The following WDFY4 variants were observed in gnomAD, a reference collection of about 807,000 sequenced individuals.
The protein encoded by WDFY4 is WDFY family member 4, also known as WD repeat- and FYVE domain-containing protein 4.
In WDFY4, 169 loss-of-function variants were observed where a neutral mutation model predicts 351.9. The ratio of observed to expected loss-of-function variants is 0.48; its 90% CI spans 0.42 to 0.55. The LOEUF (loss-of-function observed/expected upper bound fraction) is 0.55. Ranked by LOEUF, WDFY4 falls within the 20% of genes least tolerant of loss-of-function variation. The pLI is 0.00. For missense variants in WDFY4, 3,803 were observed against 3,935.6 expected, an observed-to-expected ratio of 0.97 and a Z score of 0.90; for synonymous variants, 1,622 against 1,574.6, an observed-to-expected ratio of 1.03 and a Z score of -0.71.
intron 48 of WDFY4, 50 bp from the exon 49 acceptor site, chr10:48,943,280 C>T (rs1256085894): frequency 6.5e-7 from 1 of 1,542,868 alleles, no homozygotes. Flanking sequence ...CATGGCTTTG[C>T]AGGAGCATCA....
In WDFY4 at chr10:48,913,823, G is replaced by A. The variant is rs41283295; in HGVS notation, c.7586+11960G>A. ...GTTGCTTCAGCTCCACGGGCAGCCCGTTGCTGGTCAGCCGGTTGTTGCTGA... is the reference window on the plus strand; with the variant it reads ...GTTGCTTCAGCTCCACGGGCAGCCCATTGCTGGTCAGCCGGTTGTTGCTGA... On this transcript the variant is annotated intron_variant, in intron 47 of 61. Transcript: ENST00000325239. The A allele has an allele frequency of 5.9e-3, 9,559 of 1,614,080 alleles. 38 individuals are homozygous for A. Among genetic ancestry groups the A allele is most frequent in the Non-Finnish European group, 7.5e-3 (8,906 of 1,179,998 alleles).
intron 24 of WDFY4, among the ~76,000 whole-genome samples, chr10:48,796,833 T>C (rs981217814): frequency 2.8e-4 from 43 of 152,212 alleles, no homozygotes; most frequent in African/African-American, 1.0e-3. Context: ...GCTTTGCTGT[T>C]TCCAAATGAT....
intron 48 of WDFY4, 99 bp from the exon 49 acceptor site, chr10:48,943,231 C>A: frequency 1.4e-6 from 2 of 1,431,590 alleles, no homozygotes; most frequent in Non-Finnish European, 1.9e-6. Context: ...TCCTCACCCA[C>A]AGAGCCAGGG....
intron 47 of WDFY4, among the ~76,000 whole-genome samples, chr10:48,933,048 G>T (rs1204858728): frequency 6.6e-6 from 1 of 152,180 alleles, no homozygotes; most frequent in Non-Finnish European, 1.5e-5. Context: ...CAGGGAAGGA[G>T]AGTGATGGAG....
At chr10:48,743,688 A>G in intron 12 of WDFY4, 140 bp downstream of exon 12, 1 of 1,010,462 alleles carries the variant, frequency 9.9e-7, no homozygotes. Flanking sequence ...ACTTCCTCAA[A>G]TCAAGTTAGC....
At chr10:48,772,700 C>T (rs1164555807) in intron 13 of WDFY4, among the ~76,000 whole-genome samples, 1 of 147,766 alleles carries the variant, frequency 6.8e-6, no homozygotes, top group Admixed American at 6.7e-5. Context: ...TCCCCCTTAC[C>T]CCCACCCCAC....
intron 21 of WDFY4, among the ~76,000 whole-genome samples, chr10:48,789,553 G>A (rs1263359770): frequency 6.6e-6 from 1 of 152,194 alleles, no homozygotes; most frequent in East Asian, 1.9e-4. Flanking sequence ...CCTTGGTAGC[G>A]CTGTTCCACC....
intron 11 of WDFY4, among the ~76,000 whole-genome samples, chr10:48,741,775 C>T (rs2064859295): frequency 1.3e-5 from 2 of 152,112 alleles, no homozygotes; most frequent in Admixed American, 6.6e-5. Context: ...CTCAGACAAT[C>T]CCCTTCCCTG....
At chr10:48,933,388 T>C (rs1840152754) in intron 47 of WDFY4, among the ~76,000 whole-genome samples, 1 of 152,220 alleles carries the variant, frequency 6.6e-6, no homozygotes. Context: ...CCAGCATCTC[T>C]CTGGTGCCCT....
At position 48,877,734 on chromosome 10, in the gene WDFY4, T is replaced by A. The variant is rs1432781902; in HGVS notation, c.7167+535T>A. On this transcript the variant is annotated intron_variant, in intron 43 of 61. Coordinates refer to ENST00000325239, the MANE Select transcript of WDFY4 (RefSeq NM_001394531.1). ...GCCTTCAAAAGGGTGGCTCTGGGGA[T>A]GAAGTGTACAGGCCCAGGAGGCAGG... Among the ~76,000 whole-genome samples the A allele has an allele frequency of 6.6e-5, 10 of 152,254 alleles. No individual in the cohort carries two copies. The South Asian group carries it at 2.1e-3, about 32-fold the overall frequency.
At chr10:48,792,285 A>C (rs954181728) in intron 23 of WDFY4, among the ~76,000 whole-genome samples, 2 of 152,228 alleles carry the variant, frequency 1.3e-5, no homozygotes, top group African/African-American at 2.4e-5. Flanking sequence ...CCAGCTGAGC[A>C]TGTGGCTGTT....
rs931626278 is a variant in WDFY4, at chr10:48,873,364, T to C, written c.6742-127T>C. ...GGGTACCCTACACATTCTGAGGGTG[T>C]AGAGAGAAGGTATCTTTCTCAAACA... is the stretch of plus-strand genomic sequence containing the variant. On this transcript the variant is annotated intron_variant, in intron 40 of 61. Coordinates refer to ENST00000325239, the MANE Select transcript of WDFY4 (RefSeq NM_001394531.1). 14 of 1,051,038 alleles carry C rather than the reference T, an allele frequency of 1.3e-5. No individual in the cohort carries two copies. In the Admixed American group the frequency reaches 3.2e-4, roughly 24 times the overall value. The allele number at this position is 1,051,038 out of a possible 1,614,324, so 65.1% of individuals were successfully genotyped here.
chr10:48,805,455 G>A, intron 26 of WDFY4, 34 bp downstream of exon 26: 1 of 1,539,616 alleles, frequency 6.5e-7, no homozygotes. Context: ...GGAAGAGCAG[G>A]GCCCCAGGGC....
chr10:48,720,240 C>G, intron 3 of WDFY4, 115 bp downstream of exon 3: 1 of 1,069,150 alleles, frequency 9.4e-7, no homozygotes, highest in Non-Finnish European at 1.3e-6. Flanking sequence ...TGTTGCCTGC[C>G]AAAGAGAAGT....
chr10:48,896,185 C>G (rs766805169), intron 44 of WDFY4, among the ~76,000 whole-genome samples: 23 of 152,340 alleles, frequency 1.5e-4, no homozygotes, highest in Non-Finnish European at 2.6e-4. Flanking sequence ...TTTGTATGGT[C>G]TGCAGGGGAG....
intron 1 of WDFY4, among the ~76,000 whole-genome samples, chr10:48,694,618 C>T (rs529733081): frequency 7.2e-5 from 11 of 152,274 alleles, no homozygotes; most frequent in South Asian, 4.1e-4. Flanking sequence ...TTCCCAGGAC[C>T]GCTCCGTGAG....
intron 1 of WDFY4, among the ~76,000 whole-genome samples, chr10:48,707,483 C>T (rs1298889540): frequency 2.0e-5 from 3 of 152,190 alleles, no homozygotes; most frequent in African/African-American, 7.2e-5. Flanking sequence ...CCACCCCAGC[C>T]CTGTGTGCTG....
intron 43 of WDFY4, among the ~76,000 whole-genome samples, chr10:48,881,484 C>T (rs2133326317): frequency 6.6e-6 from 1 of 152,248 alleles, no homozygotes; most frequent in African/African-American, 2.4e-5. Context: ...GAATGGGGTT[C>T]CTGCAGAGTG....
intron 1 of WDFY4, among the ~76,000 whole-genome samples, chr10:48,687,032 A>G (rs1034047067): frequency 2.6e-5 from 4 of 152,080 alleles, no homozygotes; most frequent in African/African-American, 9.7e-5. Flanking sequence ...AGCATTTGAT[A>G]TTGTCTGGTA....
Sources: allele counts gnomAD v4.1 joint callset (sites outside exome capture counted in the v4.1 genomes callset), GRCh38; gene constraint gnomAD v4.1.1; transcripts MANE v1.5; gene names NCBI Gene and HGNC (gene_info 2026-07-23, HGNC 2026-07-21).